Variants in PDE3B observed in about 807,000 individuals in gnomAD.
PDE3B encodes phosphodiesterase 3B, also known as cGMP-inhibited 3',5'-cyclic phosphodiesterase 3B.
In PDE3B, 66 loss-of-function variants were observed where a neutral mutation model predicts 116.8. The observed-to-expected ratio is 0.56, with a 90% CI of 0.46 to 0.69. The LOEUF is 0.69. PDE3B is among the 30% of genes least tolerant of loss of function. The pLI, the probability that PDE3B is intolerant of heterozygous loss-of-function variation, is 0.00. For synonymous variants in PDE3B, 595 were observed against 533.6 expected (o/e 1.12, Z -1.59); for missense variants, 1,384 against 1,368.1 (o/e 1.01, Z -0.18).
intron 4 of PDE3B, among the ~76,000 whole-genome samples, chr11:14,792,228 A>G (rs1188608368): frequency 2.0e-5 from 3 of 152,200 alleles, no homozygotes; most frequent in African/African-American, 7.2e-5. Context: ...TCAAATAATG[A>G]GAATAGAAAA....
chr11:14,810,887 G>A (rs1244638865), intron 5 of PDE3B, among the ~76,000 whole-genome samples: 2 of 147,154 alleles, frequency 1.4e-5, no homozygotes, highest in Admixed American at 6.9e-5. Flanking sequence ...GTATCTCATT[G>A]TGGTTTTGAT....
chr11:14,848,025 G>A (rs1847650545), intron 12 of PDE3B, among the ~76,000 whole-genome samples: 1 of 151,756 alleles, frequency 6.6e-6, no homozygotes. Context: ...GCCTGGCAGA[G>A]ACACAACCAA....
In PDE3B at chr11:14,740,916, T is replaced by C. The variant is rs186610498; in HGVS notation, c.979-31021T>C. On this transcript the variant is annotated intron_variant, in intron 1 of 15. Transcript: ENST00000282096. ...TTCCATGTAGTTGTGCGGTTTTGAG[T>C]GAGTTTCTTAATCCTAAGTTCTAAT... is the stretch of plus-strand genomic sequence containing the variant. Among the ~76,000 whole-genome samples, 4 of 152,332 alleles carry C rather than the reference T, an allele frequency of 2.6e-5. No homozygotes were observed. In the East Asian group the frequency reaches 7.7e-4, roughly 29 times the overall value.
At chr11:14,842,765 A>T (rs904007701) in intron 11 of PDE3B, among the ~76,000 whole-genome samples, 2 of 152,158 alleles carry the variant, frequency 1.3e-5, no homozygotes, top group Non-Finnish European at 2.9e-5. Context: ...AAAAACATAA[A>T]TTTTAAAAAA....
intron 11 of PDE3B, among the ~76,000 whole-genome samples, chr11:14,836,076 G>A (rs1168753144): frequency 6.6e-6 from 1 of 152,122 alleles, no homozygotes; most frequent in Non-Finnish European, 1.5e-5. Context: ...TTTGTTTAAT[G>A]GATTTGCTTT....
At chr11:14,658,337 T>G (rs573943888) in intron 1 of PDE3B, among the ~76,000 whole-genome samples, 3 of 152,248 alleles carry the variant, frequency 2.0e-5, no homozygotes, top group African/African-American at 7.2e-5. Flanking sequence ...AGACAACATA[T>G]ATTTTAATTT....
intron 2 of PDE3B, among the ~76,000 whole-genome samples, chr11:14,777,987 G>A (rs1373985347): frequency 3.3e-5 from 5 of 152,166 alleles, no homozygotes; most frequent in African/African-American, 4.8e-5. Flanking sequence ...CTTTTCCAAC[G>A]GTCTTAGCAA....
chr11:14,745,314 T>G (rs1314814495), intron 1 of PDE3B, among the ~76,000 whole-genome samples: 1 of 152,234 alleles, frequency 6.6e-6, no homozygotes, highest in Non-Finnish European at 1.5e-5. Context: ...GAAAGAATAC[T>G]GTATCTGGAT....
intron 1 of PDE3B, among the ~76,000 whole-genome samples, chr11:14,685,644 C>A (rs1333779297): frequency 6.6e-6 from 1 of 151,642 alleles, no homozygotes; most frequent in African/African-American, 2.4e-5. Context: ...TTAGTAGAGA[C>A]AGGGTTTCAC....
intron 1 of PDE3B, among the ~76,000 whole-genome samples, chr11:14,745,525 A>G (rs1352470616): frequency 2.0e-5 from 3 of 152,204 alleles, no homozygotes; most frequent in African/African-American, 7.2e-5. Context: ...CAAGAAATAT[A>G]TAAAAATGTA....
Position 14,663,918 on chromosome 11 carries a change from A to G in PDE3B, c.978+18865A>G, listed in dbSNP as rs531135377. Reference sequence around the variant, plus strand: ...ACTCATCTCTGCACCAAGCGGACCTAATAGACATCTACAGAACTCTCCACC... The same window carrying G: ...ACTCATCTCTGCACCAAGCGGACCTGATAGACATCTACAGAACTCTCCACC... On this transcript the variant is annotated intron_variant, in intron 1 of 15. Coordinates refer to ENST00000282096, the MANE Select transcript of PDE3B (RefSeq NM_000922.4). Among the ~76,000 whole-genome samples the G allele has an allele frequency of 1.1e-4, 16 of 152,330 alleles. No homozygotes were observed. In the East Asian group the frequency reaches 2.7e-3, roughly 26 times the overall value.
At chr11:14,785,374 T>G (rs1858157835) in intron 2 of PDE3B, among the ~76,000 whole-genome samples, 1 of 152,040 alleles carries the variant, frequency 6.6e-6, no homozygotes, top group East Asian at 1.9e-4. Flanking sequence ...TATTAACACT[T>G]CATAAGAAAA....
intron 12 of PDE3B, among the ~76,000 whole-genome samples, chr11:14,849,533 C>T (rs1413648051): frequency 6.6e-6 from 1 of 152,062 alleles, no homozygotes; most frequent in East Asian, 1.9e-4. Context: ...AAGAAACTAC[C>T]ATCAGAGTGA....
chr11:14,878,033 T>C, the PDE3B span: 3 of 1,420,716 alleles, frequency 2.1e-6, no homozygotes, highest in Non-Finnish European at 2.9e-6. Flanking sequence ...GCTGTGACTT[T>C]TATTCTAATA....
Position 14,732,563 on chromosome 11 carries a change from T to C in PDE3B, c.979-39374T>C, listed in dbSNP as rs1356406166. Among the ~76,000 whole-genome samples the C allele has an allele frequency of 2.0e-5, 3 of 152,200 alleles. No homozygotes were observed. In the East Asian group the frequency reaches 5.8e-4, roughly 29 times the overall value. On this transcript the variant is annotated intron_variant, in intron 1 of 15. Coordinates refer to ENST00000282096, the MANE Select transcript of PDE3B (RefSeq NM_000922.4). The stretch of plus-strand genomic sequence containing the variant: ...AACATGGAGAGGAAAGTAATGATCT[T>C]ATAAAATAGAAGTGTTCAAGATAAC...
At chr11:14,855,656 A>G (rs187571184) in intron 12 of PDE3B, among the ~76,000 whole-genome samples, 8 of 152,274 alleles carry the variant, frequency 5.3e-5, no homozygotes, top group Admixed American at 5.2e-4. Flanking sequence ...CAAGAGAGAG[A>G]GAGAGAGACA....
chr11:14,897,562 C>G, the PDE3B span, among the ~76,000 whole-genome samples: 1 of 152,316 alleles, frequency 6.6e-6, no homozygotes, highest in Admixed American at 6.5e-5. Context: ...CTTGGGTCAT[C>G]ACACTCAGAT....
intron 12 of PDE3B, among the ~76,000 whole-genome samples, chr11:14,844,654 G>GGCT (rs1175957747): frequency 1.9e-4 from 29 of 152,232 alleles, no homozygotes; most frequent in African/African-American, 6.3e-4. Context: ...TTTTCCGACG[G>GGCT]GCTTAAAAAA....
At chr11:14,816,004 A>T (rs1859318785) in intron 5 of PDE3B, among the ~76,000 whole-genome samples, 1 of 151,956 alleles carries the variant, frequency 6.6e-6, no homozygotes, top group African/African-American at 2.4e-5. Context: ...GTTTTAAGGG[A>T]TTGGCTCACA....
Sources: gnomAD v4.1 joint callset for allele counts (sites outside exome capture counted in the v4.1 genomes callset) on GRCh38, gnomAD v4.1.1 for gene constraint, MANE v1.5 for transcripts, NCBI Gene and HGNC (gene_info 2026-07-23, HGNC 2026-07-21) for gene names.